The following NR3C2 variants were observed in gnomAD, a reference collection of about 807,000 sequenced individuals.
NR3C2 encodes the protein nuclear receptor subfamily 3 group C member 2, also known as mineralocorticoid receptor.
NR3C2 carries 15 observed loss-of-function variants against 86.4 expected under a neutral mutation model. The observed-to-expected ratio is 0.17, with a 90% CI of 0.12 to 0.27. The LOEUF is 0.27. NR3C2 is among the 10% of genes least tolerant of loss of function. The probability of loss-of-function intolerance (pLI) is 1.00; values close to 1 mark genes in which losing one functional copy is unlikely to be tolerated. For synonymous variants in NR3C2, 458 were observed against 450.5 expected (o/e 1.02, Z -0.21); for missense variants, 960 against 1,195.6 (o/e 0.80, Z 2.91).
rs1292998022 is a variant in NR3C2 at position 148,315,174 on chromosome 4, C to T, written c.1758-55057G>A. On this transcript the variant is annotated intron_variant, in intron 2 of 8. Transcript: ENST00000358102. ...GGCTCACTGTTCAGCCACTTTGATC[C>T]GCCAGTTACTCACAAAGTCCAGTAG... Among the ~76,000 whole-genome samples, 4 of 152,124 alleles carry T rather than the reference C, an allele frequency of 2.6e-5. 1 individual carries two copies. Among genetic ancestry groups the T allele is most frequent in the Admixed American group, 2.6e-4 (4 of 15,272 alleles).
intron 2 of NR3C2, among the ~76,000 whole-genome samples, chr4:148,300,315 G>C (rs1367832882): frequency 1.3e-5 from 2 of 152,134 alleles, no homozygotes; most frequent in Admixed American, 1.3e-4. Context: ...TCCACAAACA[G>C]CCCTGAATTT....
intron 3 of NR3C2, among the ~76,000 whole-genome samples, chr4:148,249,268 T>C (rs1006509868): frequency 2.0e-5 from 3 of 151,862 alleles, no homozygotes; most frequent in African/African-American, 7.3e-5. Context: ...TAAAAAGGGA[T>C]TGAGAGGAAG....
At chr4:148,141,817 AG>A (rs1733625425) in intron 6 of NR3C2, among the ~76,000 whole-genome samples, 1 of 152,168 alleles carries the variant, frequency 6.6e-6, no homozygotes, top group African/African-American at 2.4e-5. Context: ...GCTCCTTATG[AG>A]AATCTAACTA....
chr4:148,402,177 C>T (rs571317132), intron 2 of NR3C2, among the ~76,000 whole-genome samples: 1 of 152,246 alleles, frequency 6.6e-6, no homozygotes, highest in South Asian at 2.1e-4. Context: ...ACAAGCCTCA[C>T]GGACAGTAGA....
intron 6 of NR3C2, among the ~76,000 whole-genome samples, chr4:148,134,641 C>CTTTTTTTTT (rs1379133428): frequency 9.8e-5 from 6 of 60,962 alleles, no homozygotes; most frequent in South Asian, 5.4e-4. Context: ...CTCTCTCTCT[C>CTTTTTTTTT]TCTTTTTTTT....
In NR3C2 at chr4:148,360,910, C is replaced by T. The variant is rs185186961; in HGVS notation, c.1757+74194G>A. On this transcript the variant is annotated intron_variant, in intron 2 of 8. Transcript: ENST00000358102. ...TACACCCATAAAGTCTGGGGTTCCA[C>T]GATAATAAAGTGTATGACTGGCCAC... Among the ~76,000 whole-genome samples the T allele has an allele frequency of 3.9e-3, 591 of 152,234 alleles. 5 individuals are homozygous for T. Among genetic ancestry groups the T allele is most frequent in the Non-Finnish European group, 6.1e-3 (418 of 68,014 alleles).
intron 2 of NR3C2, among the ~76,000 whole-genome samples, chr4:148,393,896 G>A (rs1472763795): frequency 6.6e-6 from 1 of 152,138 alleles, no homozygotes; most frequent in Non-Finnish European, 1.5e-5. Context: ...CCATAAAGAC[G>A]AGGGGTCTAT....
At chr4:148,162,599 G>A (rs576257418) in intron 4 of NR3C2, among the ~76,000 whole-genome samples, 32 of 152,338 alleles carry the variant, frequency 2.1e-4, no homozygotes, top group Non-Finnish European at 4.7e-4. Flanking sequence ...AATGGAGAAA[G>A]CTTCTGGAGC....
At position 148,116,693 on chromosome 4, in the gene NR3C2, C is replaced by A. The variant is rs751321609; in HGVS notation, c.2642-2432G>T. Among the ~76,000 whole-genome samples the A allele has an allele frequency of 9.2e-5, 14 of 151,696 alleles. No homozygotes were observed. In the Middle Eastern group the frequency reaches 0.01, roughly 111 times the overall value. ...ATGCTTTACCTATGTTTTTTCCTAC[C>A]TTTTTATTTTGCTTCTTCTGCATTG... On this transcript the variant is annotated intron_variant, in intron 7 of 8. Transcript: ENST00000358102.
At chr4:148,322,397 C>T (rs62333581) in intron 2 of NR3C2, among the ~76,000 whole-genome samples, 11,248 of 117,414 alleles carry the variant, frequency 0.096, 579 homozygotes, top group South Asian at 0.18. Context: ...GTGGCGTTCT[C>T]TGTATTTCCT....
intron 2 of NR3C2, among the ~76,000 whole-genome samples, chr4:148,333,351 T>TA (rs1397516770): frequency 6.6e-6 from 1 of 152,026 alleles, no homozygotes; most frequent in Non-Finnish European, 1.5e-5. Flanking sequence ...CTCTAATAAT[T>TA]AGTCTCCCAT....
intron 2 of NR3C2, among the ~76,000 whole-genome samples, chr4:148,426,655 C>A (rs1035644212): frequency 3.0e-4 from 46 of 152,198 alleles, no homozygotes; most frequent in African/African-American, 1.1e-3. Flanking sequence ...GGCACTATTC[C>A]TCCAAGTTCC....
At chr4:148,304,146 C>T (rs113696532) in intron 2 of NR3C2, among the ~76,000 whole-genome samples, 2,138 of 152,022 alleles carry the variant, frequency 0.014, 52 homozygotes, top group African/African-American at 0.049. Context: ...TTCCTTTTTC[C>T]GCCTCTGTCC....
intron 2 of NR3C2, among the ~76,000 whole-genome samples, chr4:148,287,219 G>GA (rs1741569841): frequency 6.6e-6 from 1 of 152,110 alleles, no homozygotes; most frequent in Non-Finnish European, 1.5e-5. Flanking sequence ...CATTACTACT[G>GA]TTTCTAACTT....
At chr4:148,089,638 T>C (rs1178585079) in intron 8 of NR3C2, among the ~76,000 whole-genome samples, 1 of 152,186 alleles carries the variant, frequency 6.6e-6, no homozygotes, top group African/African-American at 2.4e-5. Flanking sequence ...TTCTATAAAA[T>C]GAGGGATGGG....
chr4:148,429,599 G>T (rs1234038817), intron 2 of NR3C2, among the ~76,000 whole-genome samples: 1 of 152,148 alleles, frequency 6.6e-6, no homozygotes, highest in Non-Finnish European at 1.5e-5. Flanking sequence ...GTGCTTATAT[G>T]TAATTACATT....
Position 148,376,340 on chromosome 4 carries a change from T to C in NR3C2, c.1757+58764A>G, listed in dbSNP as rs557712037. The stretch of plus-strand genomic sequence containing the variant: ...TGCGCCACAGCTTGGCAGTTGGCCA[T>C]ATTTACAGTAAGCTATCTAGTGTTT... On this transcript the variant is annotated intron_variant, in intron 2 of 8. Transcript: ENST00000358102. 7.3e-4 allele frequency among the ~76,000 whole-genome samples: 111 copies of C among 152,290 alleles called. 3 individuals carry two copies. In the South Asian group the frequency reaches 0.021, roughly 29 times the overall value.
intron 6 of NR3C2, among the ~76,000 whole-genome samples, chr4:148,123,987 C>T (rs1218983396): frequency 2.0e-5 from 3 of 152,172 alleles, no homozygotes; most frequent in Non-Finnish European, 4.4e-5. Context: ...GCTTGTAATC[C>T]TAGCACTTTG....
chr4:148,190,282 T>C (rs185706180), intron 4 of NR3C2, among the ~76,000 whole-genome samples: 6 of 152,328 alleles, frequency 3.9e-5, no homozygotes, highest in Admixed American at 3.9e-4. Flanking sequence ...CCATCTTGAT[T>C]TTGTTTTTGA....
Sources: allele counts gnomAD v4.1 joint callset (sites outside exome capture counted in the v4.1 genomes callset), GRCh38; gene constraint gnomAD v4.1.1; transcripts MANE v1.5; gene names NCBI Gene and HGNC (gene_info 2026-07-23, HGNC 2026-07-21).